Variants in CCNY observed in about 807,000 individuals in gnomAD.
CCNY encodes the protein cyclin Y, also known as cyclin-Y.
A neutral mutation model predicts 42.8 loss-of-function variants in CCNY; 19 were observed. The ratio of observed to expected loss-of-function variants is 0.44; its 90% CI spans 0.31 to 0.65. The LOEUF is 0.65. Among genes scored for constraint, CCNY ranks in the 30% least tolerant of loss-of-function variants. The pLI is 0.07. For missense variants in CCNY, 370 were observed against 437.3 expected (o/e 0.85, Z 1.37); for synonymous variants, 165 against 162.7 (o/e 1.01, Z -0.11).
intron 1 of CCNY, among the ~76,000 whole-genome samples, chr10:35,339,722 T>C (rs1158908930): frequency 6.6e-6 from 1 of 152,206 alleles, no homozygotes; most frequent in African/African-American, 2.4e-5. Context: ...TTTCTTCCCT[T>C]TGTCACCAGG....
intron 7 of CCNY, among the ~76,000 whole-genome samples, chr10:35,531,230 C>A (rs1009995846): frequency 5.9e-5 from 9 of 152,284 alleles, no homozygotes; most frequent in African/African-American, 1.9e-4. Flanking sequence ...CATGAGCTAT[C>A]CTGGAGATCA....
intron 1 of CCNY, among the ~76,000 whole-genome samples, chr10:35,353,623 C>T (rs562328558): frequency 6.6e-6 from 1 of 152,300 alleles, no homozygotes; most frequent in East Asian, 1.9e-4. Context: ...TGGTTCACAG[C>T]AGTTCTCAGT....
At chr10:35,335,748 C>CGCCCCG (rs1836009176), upstream of CCNY, among the ~76,000 whole-genome samples, 1 of 150,858 alleles carries the variant, frequency 6.6e-6, no homozygotes, top group African/African-American at 2.4e-5. Flanking sequence ...TAGTGGCGGG[C>CGCCCCG]GCCCGTGTTA....
chr10:35,473,784 G>A (rs981615402), intron 1 of CCNY, among the ~76,000 whole-genome samples: 3 of 152,046 alleles, frequency 2.0e-5, no homozygotes, highest in African/African-American at 7.2e-5. Context: ...TGTTCCTTGG[G>A]GGGAGGAGCC....
At chr10:35,455,863 A>G (rs1371651489) in intron 1 of CCNY, among the ~76,000 whole-genome samples, 3 of 141,916 alleles carry the variant, frequency 2.1e-5, no homozygotes, top group Non-Finnish European at 3.0e-5. Flanking sequence ...CTGTTGCCCA[A>G]ACTGGAGGGT....
At chr10:35,445,502 G>A (rs1168609574) in intron 1 of CCNY, among the ~76,000 whole-genome samples, 1 of 152,222 alleles carries the variant, frequency 6.6e-6, no homozygotes, top group Admixed American at 6.5e-5. Context: ...GTGGAAGACT[G>A]TTAGAGCTGG....
intron 1 of CCNY, among the ~76,000 whole-genome samples, chr10:35,344,125 T>G (rs1018834310): frequency 6.6e-6 from 1 of 152,170 alleles, no homozygotes; most frequent in Non-Finnish European, 1.5e-5. Flanking sequence ...GGAGCCTTGG[T>G]CAGGAGACCA....
intron 7 of CCNY, among the ~76,000 whole-genome samples, chr10:35,551,512 T>C (rs1841257378): frequency 6.6e-6 from 1 of 152,224 alleles, no homozygotes; most frequent in African/African-American, 2.4e-5. Context: ...ATAGCATGGA[T>C]GGTGTCTGTT....
rs1314653608 is a variant in CCNY, at chr10:35,537,084, C to A, written c.579+6841C>A. 6.6e-5 allele frequency among the ~76,000 whole-genome samples: 10 copies of A among 152,288 alleles called. 1 individual carries two copies. The East Asian group carries it at 1.3e-3, about 21-fold the overall frequency. ...CTATGTGCAGTCTAGGGACTTGGTG[C>A]CCTGCATCCCAGCCACTCCAGTCAT... On this transcript the variant is annotated intron_variant, in intron 7 of 9. Coordinates refer to ENST00000374704, the MANE Select transcript of CCNY (RefSeq NM_145012.6).
At chr10:35,404,911 A>G (rs1380356129) in intron 1 of CCNY, among the ~76,000 whole-genome samples, 1 of 152,206 alleles carries the variant, frequency 6.6e-6, no homozygotes, top group African/African-American at 2.4e-5. Context: ...CCTGATGGGT[A>G]TCAGGGTCAG....
At chr10:35,373,449 T>G (rs769797118) in intron 1 of CCNY, among the ~76,000 whole-genome samples, 2 of 152,154 alleles carry the variant, frequency 1.3e-5, no homozygotes, top group Non-Finnish European at 2.9e-5. Flanking sequence ...CCACTTATGT[T>G]GAGGGCAAGG....
intron 1 of CCNY, among the ~76,000 whole-genome samples, chr10:35,430,975 G>A (rs2135278671): frequency 6.6e-6 from 1 of 151,948 alleles, no homozygotes; most frequent in Non-Finnish European, 1.5e-5. Context: ...AAATTAGCTG[G>A]GCCTGGTGGT....
upstream of CCNY, among the ~76,000 whole-genome samples, chr10:35,333,809 C>A (rs1311954670): frequency 2.0e-5 from 3 of 152,082 alleles, no homozygotes; most frequent in Non-Finnish European, 4.4e-5. Flanking sequence ...TGCAATTTTT[C>A]CCAAAGTGTC....
At chr10:35,424,580 G>A (rs1838226573) in intron 1 of CCNY, among the ~76,000 whole-genome samples, 1 of 152,142 alleles carries the variant, frequency 6.6e-6, no homozygotes, top group Admixed American at 6.5e-5. Context: ...ATTGCCTTGG[G>A]GCTTACAGAG....
At chr10:35,257,213 C>CCCTCCCT (rs2095716256) in intron 3 of CCNY, among the ~76,000 whole-genome samples, 2 of 137,970 alleles carry the variant, frequency 1.4e-5, no homozygotes, top group East Asian at 4.2e-4. Context: ...CTTTTCTTTT[C>CCCTCCCT]TCCTCCCTCC....
chr10:35,538,864 G>A (rs987412123), intron 7 of CCNY, among the ~76,000 whole-genome samples: 1 of 152,092 alleles, frequency 6.6e-6, no homozygotes, highest in Non-Finnish European at 1.5e-5. Flanking sequence ...CATAACCCAT[G>A]GTCATGATGA....
chr10:35,466,618 C>G (rs559082074), intron 1 of CCNY, among the ~76,000 whole-genome samples: 1 of 152,314 alleles, frequency 6.6e-6, no homozygotes, highest in East Asian at 1.9e-4. Context: ...CGCTGTCCCT[C>G]ACCCTCACCT....
At chr10:35,372,160 A>C (rs1279570636) in intron 1 of CCNY, among the ~76,000 whole-genome samples, 1 of 152,232 alleles carries the variant, frequency 6.6e-6, no homozygotes, top group East Asian at 1.9e-4. Flanking sequence ...AAAATAATGA[A>C]AGGAGTCACT....
intron 2 of CCNY, among the ~76,000 whole-genome samples, chr10:35,249,322 G>A (rs1054919399): frequency 2.0e-5 from 3 of 152,112 alleles, no homozygotes; most frequent in African/African-American, 4.8e-5. Flanking sequence ...ACTAAGCATG[G>A]GCTGGACTAA....
Sources: allele counts gnomAD v4.1 joint callset (sites outside exome capture counted in the v4.1 genomes callset), GRCh38; gene constraint gnomAD v4.1.1; transcripts MANE v1.5; gene names NCBI Gene and HGNC (gene_info 2026-07-23, HGNC 2026-07-21).